NAIP: variants seen among roughly 807,000 people sequenced by gnomAD.
NAIP encodes the protein NLR family apoptosis inhibitory protein.
Under a neutral mutation model 23.0 loss-of-function variants are expected in NAIP, and 15 were observed. That is an observed-to-expected ratio of 0.65 (90% CI 0.44 to 1.00). The LOEUF is 1.00. Among genes scored for constraint, NAIP ranks in the 50% least tolerant of loss-of-function variants. NAIP has a pLI of 0.00. For synonymous variants in NAIP, 100 were observed against 100.2 expected, an observed-to-expected ratio of 1.00 and a Z score of 0.01; for missense variants, 265 against 278.8, an observed-to-expected ratio of 0.95 and a Z score of 0.35.
At chr5:71,013,622 A>T (rs1306844385) in intron 3 of NAIP, among the ~76,000 whole-genome samples, 1 of 143,162 alleles carries the variant, frequency 7.0e-6, no homozygotes, top group Non-Finnish European at 1.5e-5. Context: ...CCTGGGTGAC[A>T]GAGCAAGACT....
chr5:70,971,878 T>TA (rs1238214976), intron 16 of NAIP, among the ~76,000 whole-genome samples: 8 of 65,242 alleles, frequency 1.2e-4, no homozygotes, highest in East Asian at 1.9e-3. Context: ...TAGGGGTTTT[T>TA]AAAAAAAAAA....
At chr5:71,012,032 G>C (rs563446658) in intron 4 of NAIP, among the ~76,000 whole-genome samples, 1 of 151,538 alleles carries the variant, frequency 6.6e-6, no homozygotes, top group East Asian at 1.9e-4. Context: ...AGGAGACTGG[G>C]ATCAGGATGA....
intron 13 of NAIP, among the ~76,000 whole-genome samples, chr5:70,978,145 ATATATTT>A (rs1403707744): frequency 2.5e-5 from 1 of 40,098 alleles, no homozygotes; most frequent in African/African-American, 4.8e-5. Flanking sequence ...ATATATATAT[ATATATTT>A]TTTTTTTTTT....
chr5:71,008,063 C>CTTTTT (rs4065245), intron 5 of NAIP, among the ~76,000 whole-genome samples: 14 of 67,258 alleles, frequency 2.1e-4, no homozygotes, highest in Non-Finnish European at 2.4e-4. Flanking sequence ...TGTGCCCAGC[C>CTTTTT]TTTTTTTTTT....
At chr5:71,011,191 C>T in intron 5 of NAIP, 84 bp downstream of exon 5, 3 of 1,017,198 alleles carry the variant, frequency 2.9e-6, no homozygotes, top group South Asian at 1.7e-5. Context: ...TGAAGTCATG[C>T]CACTATACTC....
intron 5 of NAIP, among the ~76,000 whole-genome samples, chr5:71,009,770 A>G (rs1751060358): frequency 6.6e-6 from 1 of 151,642 alleles, no homozygotes; most frequent in African/African-American, 2.4e-5. Context: ...CTATGTGTTG[A>G]CAAGTATTTA....
chr5:70,971,596 A>C (rs1750167745), intron 16 of NAIP: 4 of 243,214 alleles, frequency 1.6e-5, no homozygotes, highest in East Asian at 2.4e-4. Context: ...GAGAAAACAA[A>C]AAAAAAAAAT....
At chr5:71,014,427 G>A (rs138546794) in intron 3 of NAIP, among the ~76,000 whole-genome samples, 47 of 151,568 alleles carry the variant, frequency 3.1e-4, no homozygotes, top group Non-Finnish European at 4.4e-4. Flanking sequence ...GATTACAGAC[G>A]TGAGCCACCA....
At chr5:71,010,010 A>G (rs910295066) in intron 5 of NAIP, among the ~76,000 whole-genome samples, 1 of 151,836 alleles carries the variant, frequency 6.6e-6, no homozygotes, top group East Asian at 1.9e-4. Context: ...CATTTGGTAT[A>G]TATTTAGCAG....
In NAIP at chr5:71,009,668, ACT is replaced by A. The variant is rs775283129; in HGVS notation, c.668+1605_668+1606del. 2.5e-4 allele frequency among the ~76,000 whole-genome samples: 38 copies of A among 151,596 alleles called. 2 individuals are homozygous for A. Among genetic ancestry groups the A allele is most frequent in the Non-Finnish European group, 4.4e-4 (30 of 67,802 alleles). ...TCGTACCACTGGGCAACAGGGCGAG[ACT>A]CTGTCTCAAATAAAATAAAATAAAA... On this transcript the variant is annotated intron_variant, in intron 5 of 16. Coordinates refer to ENST00000517649, the MANE Select transcript of NAIP (RefSeq NM_004536.3).
At chr5:71,011,212 G>T in intron 5 of NAIP, 63 bp downstream of exon 5, 3 of 1,260,232 alleles carry the variant, frequency 2.4e-6, no homozygotes, top group Non-Finnish European at 3.3e-6. Flanking sequence ...CAGCCTGGGT[G>T]GCAGAGCAAG....
chr5:71,000,548 T>A (rs142497121), intron 8 of NAIP, among the ~76,000 whole-genome samples: 21,978 of 107,636 alleles, frequency 0.2, 1,574 homozygotes, highest in Non-Finnish European at 0.23. Flanking sequence ...TAATAATAAT[T>A]ATTATTATTA....
intron 3 of NAIP, among the ~76,000 whole-genome samples, chr5:71,014,426 C>T (rs1350278872): frequency 2.6e-5 from 4 of 151,454 alleles, no homozygotes; most frequent in South Asian, 2.1e-4. Flanking sequence ...GGATTACAGA[C>T]GTGAGCCACC....
At chr5:70,972,773 AAC>A (rs1022827523) in intron 16 of NAIP, among the ~76,000 whole-genome samples, 1 of 70,338 alleles carries the variant, frequency 1.4e-5, no homozygotes, top group African/African-American at 3.7e-5. Flanking sequence ...AGAAGAATAA[AAC>A]ACAAATAATT....
intron 3 of NAIP, among the ~76,000 whole-genome samples, chr5:71,013,558 T>TGA (rs1751274290): frequency 6.8e-6 from 1 of 147,750 alleles, no homozygotes; most frequent in African/African-American, 2.5e-5. Context: ...GAGAATGGCG[T>TGA]GAACCCAGGA....
intron 4 of NAIP, chr5:71,011,820 G>T (rs1173122307): frequency 4.7e-6 from 2 of 421,710 alleles, no homozygotes; most frequent in Middle Eastern, 3.4e-4. Context: ...TAAATTCATT[G>T]GATAAGAATT....
Position 70,969,560 on chromosome 5 carries a change from A to AAAGT in NAIP, c.*540_*543dup, listed in dbSNP as rs1296435653. The AAAGT allele has an allele frequency of 7.1e-5, 7 of 98,570 alleles. No homozygotes were observed. In the South Asian group the frequency reaches 1.2e-3, roughly 17 times the overall value. The allele number at this position is 98,570 out of a possible 1,614,324, so 6.1% of individuals were successfully genotyped here. A position where few individuals can be genotyped will look rare whatever the true frequency, so the allele number is the denominator to read the frequency against. On this transcript the variant is annotated 3_prime_UTR_variant, in exon 17 of 17. Transcript: ENST00000517649. ...CTTTATATTGGCAGTGGATAAATGGAAAGTAAGTTAACTCTACTGTACCAA... is the reference window on the plus strand; with the variant it reads ...CTTTATATTGGCAGTGGATAAATGGAAAGTAAGTAAGTTAACTCTACTGTACCAA...
chr5:71,012,856 C>A lies in NAIP; in HGVS notation c.60G>T (p.Leu20=). The A allele has an allele frequency of 6.2e-7, 1 of 1,609,582 alleles. No homozygotes were observed. The highest frequency in any genetic ancestry group is 2.2e-5 in the East Asian group (1 of 44,832). Residue 20 remains leucine, a synonymous_variant, in exon 4 of 17, where the codon CTG becomes CTT. Transcript: ENST00000517649. ...ERISQFDHNL[L]PELSALLGLD... is the part of the protein sequence containing the mutation. ...GGCCCAGAAGAGCAGACAGCTCTGG[C>A]AGCAAATTGTGATCAAACTGGGAGA...
intron 3 of NAIP, among the ~76,000 whole-genome samples, chr5:71,013,604 T>G (rs996686419): frequency 7.0e-6 from 1 of 142,668 alleles, no homozygotes; most frequent in Non-Finnish European, 1.5e-5. Context: ...CGCGCCACGG[T>G]ACTCCAGCCT....
Sources: allele counts gnomAD v4.1 joint callset (sites outside exome capture counted in the v4.1 genomes callset), GRCh38; gene constraint gnomAD v4.1.1; transcripts MANE v1.5; gene names NCBI Gene and HGNC (gene_info 2026-07-23, HGNC 2026-07-21).